Variants in CNNM2 observed in about 807,000 individuals in gnomAD.
The protein encoded by CNNM2 is cyclin and CBS domain divalent metal cation transport mediator 2.
Under a neutral mutation model 66.9 loss-of-function variants are expected in CNNM2, and 12 were observed. That is an observed-to-expected ratio of 0.18 (90% CI 0.11 to 0.29). The LOEUF (loss-of-function observed/expected upper bound fraction) is 0.29. Among genes scored for constraint, CNNM2 ranks in the 10% least tolerant of loss-of-function variants. CNNM2 has a pLI of 1.00. For synonymous variants in CNNM2, 557 were observed against 501.8 expected (o/e 1.11, Z -1.47); for missense variants, 705 against 1,167.7 (o/e 0.60, Z 5.77).
At chr10:103,075,429 G>A (rs1036491780) in intron 6 of CNNM2, among the ~76,000 whole-genome samples, 1 of 152,104 alleles carries the variant, frequency 6.6e-6, no homozygotes, top group Admixed American at 6.5e-5. Context: ...TGTTTTAAGG[G>A]AAGGATGCCA....
intron 1 of CNNM2, among the ~76,000 whole-genome samples, chr10:102,920,448 C>T (rs1217434573): frequency 1.3e-5 from 2 of 151,654 alleles, no homozygotes; most frequent in Non-Finnish European, 2.9e-5. Context: ...TCTGGGTTCT[C>T]AGTGAGTAGG....
At chr10:103,044,551 GAA>G (rs34595667) in intron 1 of CNNM2, among the ~76,000 whole-genome samples, 22 of 143,766 alleles carry the variant, frequency 1.5e-4, no homozygotes, top group East Asian at 8.1e-4. Context: ...CCCTGTCTCA[GAA>G]AAAAAAAAAA....
Position 103,020,156 on chromosome 10 carries a change from C to CT in CNNM2, c.1622-29540dup, listed in dbSNP as rs753529269. Among the ~76,000 whole-genome samples, 597 of 145,046 alleles carry CT rather than the reference C, an allele frequency of 4.1e-3. 1 individual carries two copies. The highest frequency in any genetic ancestry group is 0.012 in the Admixed American group (179 of 14,518). On this transcript the variant is annotated intron_variant, in intron 1 of 7. Transcript: ENST00000369878. ...AGGTTTTCAATCTTGCATTTTTGTT[C>CT]TTTTTTTTTTTCGTCTGAGACAGAG...
intron 1 of CNNM2, 75 bp downstream of exon 1, chr10:102,920,176 T>A: frequency 6.2e-7 from 1 of 1,612,602 alleles, no homozygotes; most frequent in Non-Finnish European, 8.5e-7. Context: ...TCCTCTACCC[T>A]CAGACCAACC....
At chr10:103,074,459 C>A (rs867755926) in intron 6 of CNNM2, among the ~76,000 whole-genome samples, 5 of 152,194 alleles carry the variant, frequency 3.3e-5, no homozygotes, top group African/African-American at 1.2e-4. Flanking sequence ...GGGGAACTGC[C>A]ACTCTGAATT....
chr10:103,041,366 G>A (rs1193833548), intron 1 of CNNM2, among the ~76,000 whole-genome samples: 2 of 152,188 alleles, frequency 1.3e-5, no homozygotes, highest in Non-Finnish European at 2.9e-5. Context: ...AAAGAGAAAA[G>A]ACAAAGATTT....
At chr10:102,996,729 AAGTT>A (rs1188107440) in intron 1 of CNNM2, among the ~76,000 whole-genome samples, 1 of 152,236 alleles carries the variant, frequency 6.6e-6, no homozygotes, top group Non-Finnish European at 1.5e-5. Context: ...TTGAATCTAA[AAGTT>A]AATTTATTTG....
chr10:103,005,508 G>A (rs183701448), intron 1 of CNNM2, among the ~76,000 whole-genome samples: 85 of 152,052 alleles, frequency 5.6e-4, no homozygotes, highest in South Asian at 3.3e-3. Context: ...AATTAGCCAA[G>A]CATGGTGGTG....
intron 1 of CNNM2, among the ~76,000 whole-genome samples, chr10:102,952,579 C>T (rs1243660644): frequency 3.6e-5 from 5 of 137,934 alleles, no homozygotes; most frequent in Non-Finnish European, 7.8e-5. Flanking sequence ...CAAAAACAAA[C>T]AAACAAAAGT....
chr10:102,979,446 T>C (rs1363159526), intron 1 of CNNM2, among the ~76,000 whole-genome samples: 2 of 152,194 alleles, frequency 1.3e-5, no homozygotes, highest in Non-Finnish European at 2.9e-5. Context: ...GTTACCTGCT[T>C]AAATTCAGAT....
intron 1 of CNNM2, among the ~76,000 whole-genome samples, chr10:102,984,055 C>T (rs997197658): frequency 5.3e-5 from 8 of 152,110 alleles, no homozygotes; most frequent in African/African-American, 1.9e-4. Flanking sequence ...TGTGCCTGGC[C>T]AGATTGTAAA....
chr10:102,978,899 T>C (rs1407300842), intron 1 of CNNM2, among the ~76,000 whole-genome samples: 1 of 152,240 alleles, frequency 6.6e-6, no homozygotes, highest in African/African-American at 2.4e-5. Context: ...CTGGCTTCTT[T>C]TATGCAGCCT....
chr10:103,038,912 C>T (rs2064989690), intron 1 of CNNM2, among the ~76,000 whole-genome samples: 1 of 151,926 alleles, frequency 6.6e-6, no homozygotes, highest in Non-Finnish European at 1.5e-5. Flanking sequence ...ATCTGTGTCA[C>T]ATTTTTCTGG....
chr10:102,987,928 A>C (rs1439997315), intron 1 of CNNM2, among the ~76,000 whole-genome samples: 1 of 152,204 alleles, frequency 6.6e-6, no homozygotes, highest in South Asian at 2.1e-4. Flanking sequence ...CTCAATGTGA[A>C]GACCTGAACT....
At position 103,089,639 on chromosome 10, in the gene CNNM2, T is replaced by C; in HGVS notation, c.*12459T>C. Reference sequence around the variant, plus strand: ...TTCCTGTGAGTCCTGCCAGGACTTGTTTAATGGGTGCTTGGGGTTTTGGTT... The same window carrying C: ...TTCCTGTGAGTCCTGCCAGGACTTGCTTAATGGGTGCTTGGGGTTTTGGTT... On this transcript the variant is annotated 3_prime_UTR_variant, in exon 8 of 8. Coordinates refer to ENST00000369878, the MANE Select transcript of CNNM2 (RefSeq NM_017649.5). 6.4e-7 allele frequency: 1 copy of C among 1,552,586 alleles called. No homozygotes were observed.
At position 102,918,830 on chromosome 10, in the gene CNNM2, G is replaced by A. The variant is rs868073270; in HGVS notation, c.350G>A (p.Arg117His). 1.9e-6 allele frequency: 3 copies of A among 1,591,054 alleles called. No individual in the cohort carries two copies. Among genetic ancestry groups the A allele is most frequent in the Non-Finnish European group, 2.6e-6 (3 of 1,169,048 alleles). Reference sequence around the variant, plus strand: ...AACATCAATAACGAGACGTGGTCCCGCATCGCCTTCACCGAGCACGAGCGG... The same window carrying A: ...AACATCAATAACGAGACGTGGTCCCACATCGCCTTCACCGAGCACGAGCGG... ...GQNINNETWSRIAFTEHERRR... is the reference protein window; with the variant it reads ...GQNINNETWSHIAFTEHERRR... Residue 117 changes from arginine (R) to histidine (H), a missense_variant, in exon 1 of 8, where the codon CGC (arginine) becomes CAC (histidine). Physicochemically the swap from Arg to His is conservative, Grantham distance 29. This residue lies in a region of CNNM2 where 15 missense variants were observed against 58.1 expected (regional missense o/e 0.26). Transcript: ENST00000369878. The surrounding 1 kb of genome is among the most constrained non-coding windows in gnomAD (Gnocchi z 4.1).
At chr10:103,001,721 A>G (rs1368938770) in intron 1 of CNNM2, among the ~76,000 whole-genome samples, 1 of 152,182 alleles carries the variant, frequency 6.6e-6, no homozygotes, top group African/African-American at 2.4e-5. Flanking sequence ...GCTATAAAAC[A>G]GGCCAGGTGC....
intron 1 of CNNM2, among the ~76,000 whole-genome samples, chr10:103,041,535 G>A (rs902783330): frequency 9.2e-5 from 14 of 152,022 alleles, no homozygotes; most frequent in Admixed American, 2.6e-4. Flanking sequence ...AGGCCAGTTC[G>A]GGCCTCCGTG....
At chr10:103,025,791 C>A (rs922930410) in intron 1 of CNNM2, among the ~76,000 whole-genome samples, 2 of 152,236 alleles carry the variant, frequency 1.3e-5, no homozygotes, top group African/African-American at 4.8e-5. Flanking sequence ...CTTACCCCCT[C>A]CTAATTCAAC....
Sources: gnomAD v4.1 joint callset for allele counts (sites outside exome capture counted in the v4.1 genomes callset) on GRCh38, gnomAD v4.1.1 for gene constraint, gnomAD v4.1.1 regional missense constraint, Gnocchi (gnomAD v3.1) non-coding constraint, MANE v1.5 for transcripts, NCBI Gene and HGNC (gene_info 2026-07-23, HGNC 2026-07-21) for gene names.